Variants in DLGAP2 observed in about 807,000 individuals in gnomAD.
The protein encoded by DLGAP2 is disks large-associated protein 2.
DLGAP2 carries 26 observed loss-of-function variants against 100.3 expected under a neutral mutation model. The observed-to-expected ratio is 0.26, with a 90% CI of 0.19 to 0.36. The LOEUF is 0.36. DLGAP2 is among the 10% of genes least tolerant of loss of function. The pLI, the probability that DLGAP2 is intolerant of heterozygous loss-of-function variation, is 1.00. For synonymous variants in DLGAP2, 886 were observed against 630.1 expected (o/e 1.41, Z -6.08); for missense variants, 1,858 against 1,453.2 (o/e 1.28, Z -4.53).
intron 2 of DLGAP2, among the ~76,000 whole-genome samples, chr8:1,025,789 C>T (rs760942898): frequency 2.0e-5 from 3 of 152,184 alleles, no homozygotes; most frequent in Non-Finnish European, 2.9e-5. Context: ...GAGACACGGT[C>T]GCAATGGCTC....
intron 2 of DLGAP2, among the ~76,000 whole-genome samples, chr8:1,022,852 T>G (rs1324451051): frequency 6.6e-6 from 1 of 152,228 alleles, no homozygotes; most frequent in African/African-American, 2.4e-5. Context: ...AGACACTCCT[T>G]CCTTGTTGGT....
At chr8:1,606,461 G>A (rs895018171) in intron 6 of DLGAP2, among the ~76,000 whole-genome samples, 7 of 152,134 alleles carry the variant, frequency 4.6e-5, no homozygotes, top group Middle Eastern at 3.4e-3. Flanking sequence ...TCTCCCTGTC[G>A]TGGCCATGGA....
intron 6 of DLGAP2, among the ~76,000 whole-genome samples, chr8:1,571,975 A>C (rs1464409879): frequency 3.6e-5 from 4 of 112,096 alleles, no homozygotes; most frequent in Admixed American, 1.8e-4. Context: ...GGGGCGTCTG[A>C]TGAGATGGAG....
intron 2 of DLGAP2, among the ~76,000 whole-genome samples, chr8:995,760 A>G (rs927467686): frequency 7.2e-5 from 11 of 152,346 alleles, no homozygotes; most frequent in African/African-American, 2.6e-4. Context: ...ATTTATGAAA[A>G]GTAGAAGTGG....
At chr8:1,317,877 G>A (rs552952040) in intron 3 of DLGAP2, among the ~76,000 whole-genome samples, 14 of 139,186 alleles carry the variant, frequency 1.0e-4, no homozygotes, top group East Asian at 2.1e-4. Flanking sequence ...AAAATAGAGC[G>A]TGTGTGAGTG....
intron 2 of DLGAP2, among the ~76,000 whole-genome samples, chr8:1,064,399 G>T (rs1803180824): frequency 6.6e-6 from 1 of 152,160 alleles, no homozygotes; most frequent in African/African-American, 2.4e-5. Context: ...CCAGGGTGCT[G>T]TTTGGGGATG....
chr8:1,549,693 C>G lies in DLGAP2; in HGVS notation c.1230+10C>G. The G allele has an allele frequency of 1.3e-6, 2 of 1,534,984 alleles. No homozygotes were observed. The highest frequency in any genetic ancestry group is 8.8e-7 in the Non-Finnish European group (1 of 1,138,854). On this transcript the variant is annotated intron_variant, in intron 5 of 14. Transcript: ENST00000637795. ...GTGCCACTACCTCCAGGTAAGCAGGCTCACGGCCCTGTGGAGGCCGTCTCG... is the reference window on the plus strand; with the variant it reads ...GTGCCACTACCTCCAGGTAAGCAGGGTCACGGCCCTGTGGAGGCCGTCTCG...
intron 2 of DLGAP2, among the ~76,000 whole-genome samples, chr8:1,173,058 T>C (rs564427755): frequency 7.4e-4 from 113 of 152,290 alleles, no homozygotes; most frequent in African/African-American, 2.3e-3. Flanking sequence ...GATGGGTTTT[T>C]GGTGTGGATG....
chr8:1,553,304 G>A (rs1031508729), intron 5 of DLGAP2, among the ~76,000 whole-genome samples: 9 of 152,180 alleles, frequency 5.9e-5, no homozygotes, highest in African/African-American at 2.2e-4. Flanking sequence ...TCGCCCGGCC[G>A]CAACCCTGGC....
intron 3 of DLGAP2, among the ~76,000 whole-genome samples, chr8:1,372,223 TGGTCACCGTGGTGCCAACGCTGGGAC>T: frequency 1.2e-5 from 1 of 85,282 alleles, no homozygotes; most frequent in Non-Finnish European, 2.8e-5. Flanking sequence ...GCTGGGACGC[TGGTCACCGTGGTGCCAACGCTGGGAC>T]GCTGGTCACC....
chr8:1,332,368 CAT>C (rs576362712), intron 3 of DLGAP2, among the ~76,000 whole-genome samples: 12 of 151,942 alleles, frequency 7.9e-5, no homozygotes, highest in Admixed American at 5.9e-4. Context: ...TCTGTGTACA[CAT>C]ATCTGCACAT....
intron 3 of DLGAP2, among the ~76,000 whole-genome samples, chr8:1,458,770 G>A (rs914023904): frequency 9.2e-5 from 14 of 152,210 alleles, no homozygotes; most frequent in South Asian, 8.3e-4. Flanking sequence ...AGAGAACACA[G>A]GGAGTTTTCT....
chr8:865,706 C>T (rs1797481573), intron 1 of DLGAP2, among the ~76,000 whole-genome samples: 1 of 152,212 alleles, frequency 6.6e-6, no homozygotes, highest in South Asian at 2.1e-4. Flanking sequence ...ACGTGCTCTT[C>T]TTTTTATAAG....
chr8:1,462,328 G>C (rs1400309834), intron 3 of DLGAP2, among the ~76,000 whole-genome samples: 1 of 91,718 alleles, frequency 1.1e-5, no homozygotes, highest in African/African-American at 4.0e-5. Context: ...TTGGGAGAAG[G>C]TGCTGCTGTC....
At chr8:862,796 A>G (rs1371651139) in intron 1 of DLGAP2, among the ~76,000 whole-genome samples, 1 of 152,222 alleles carries the variant, frequency 6.6e-6, no homozygotes, top group East Asian at 1.9e-4. Context: ...CCAGGGCCCC[A>G]AAGTCTGGTG....
At chr8:1,304,591 T>A (rs768246665) in intron 3 of DLGAP2, among the ~76,000 whole-genome samples, 2 of 152,196 alleles carry the variant, frequency 1.3e-5, no homozygotes, top group African/African-American at 4.8e-5. Context: ...AGAAAAAAGA[T>A]GAGTACAATT....
chr8:1,042,130 C>T (rs138002245), intron 2 of DLGAP2, among the ~76,000 whole-genome samples: 3 of 152,186 alleles, frequency 2.0e-5, no homozygotes, highest in African/African-American at 7.2e-5. Flanking sequence ...AGCCCCAGCA[C>T]CTGCCTGGCT....
At chr8:802,643 G>C (rs955234479) in intron 1 of DLGAP2, among the ~76,000 whole-genome samples, 1 of 152,082 alleles carries the variant, frequency 6.6e-6, no homozygotes, top group Non-Finnish European at 1.5e-5. Flanking sequence ...GCATCTCACC[G>C]TCTCAGGGGT....
At chr8:1,198,675 A>G (rs1348006906) in intron 2 of DLGAP2, among the ~76,000 whole-genome samples, 1 of 152,138 alleles carries the variant, frequency 6.6e-6, no homozygotes, top group East Asian at 1.9e-4. Flanking sequence ...GCTCCACCCC[A>G]TGTCCATGGG....
Sources: gnomAD v4.1 joint callset for allele counts (sites outside exome capture counted in the v4.1 genomes callset) on GRCh38, gnomAD v4.1.1 for gene constraint, MANE v1.5 for transcripts, NCBI Gene and HGNC (gene_info 2026-07-23, HGNC 2026-07-21) for gene names.